ZNF808: variants seen among roughly 807,000 people sequenced by gnomAD.
The protein encoded by ZNF808 is zinc finger protein 808.
A neutral mutation model predicts 8.7 loss-of-function variants in ZNF808; 5 were observed. That is an observed-to-expected ratio of 0.58 (90% CI 0.30 to 1.21). ZNF808 has a LOEUF of 1.21. Among genes scored for constraint, ZNF808 ranks in the 50% most tolerant of loss-of-function variants. The pLI, the probability that ZNF808 is intolerant of heterozygous loss-of-function variation, is 0.07. For missense variants in ZNF808, 1,103 were observed against 1,098.4 expected, an observed-to-expected ratio of 1.00 and a Z score of -0.06; for synonymous variants, 380 against 366.0, an observed-to-expected ratio of 1.04 and a Z score of -0.44.
chr19:52,565,237 C>T (rs2059870233), downstream of ZNF808, among the ~76,000 whole-genome samples: 1 of 152,046 alleles, frequency 6.6e-6, no homozygotes, highest in South Asian at 2.1e-4. Context: ...AAGATCACGC[C>T]AATGCACACC....
intron 1 of ZNF808, among the ~76,000 whole-genome samples, chr19:52,530,132 C>T (rs1056096512): frequency 3.3e-5 from 5 of 152,006 alleles, no homozygotes; most frequent in African/African-American, 1.2e-4. Flanking sequence ...ATGATCTCAG[C>T]TCACCACAAC....
intron 1 of ZNF808, among the ~76,000 whole-genome samples, chr19:52,530,202 A>C (rs549374611): frequency 1.9e-4 from 29 of 152,236 alleles, no homozygotes; most frequent in African/African-American, 6.7e-4. Flanking sequence ...TTGGGAGTAC[A>C]GGCATGCACC....
At chr19:52,535,077 A>G (rs1031244660) in intron 2 of ZNF808, among the ~76,000 whole-genome samples, 2 of 151,434 alleles carry the variant, frequency 1.3e-5, no homozygotes, top group African/African-American at 4.8e-5. Context: ...CACATCTGTA[A>G]TCCTAGCAGT....
At chr19:52,556,967 T>C (rs982973054), downstream of ZNF808, among the ~76,000 whole-genome samples, 24 of 152,162 alleles carry the variant, frequency 1.6e-4, no homozygotes, top group African/African-American at 5.5e-4. Flanking sequence ...ATGTATTCTT[T>C]TGCTTTGTTT....
At chr19:52,558,998 G>A (rs1004984988), downstream of ZNF808, among the ~76,000 whole-genome samples, 1 of 152,176 alleles carries the variant, frequency 6.6e-6, no homozygotes, top group Non-Finnish European at 1.5e-5. Flanking sequence ...GCGAAAGGCC[G>A]CAGGAACCTC....
At chr19:52,561,228 A>G (rs1446611345), downstream of ZNF808, among the ~76,000 whole-genome samples, 1 of 140,818 alleles carries the variant, frequency 7.1e-6, no homozygotes, top group Non-Finnish European at 1.5e-5. Context: ...ATATATATAT[A>G]TATATATATA....
intron 4 of ZNF808, among the ~76,000 whole-genome samples, chr19:52,552,830 A>G (rs1337813970): frequency 6.6e-6 from 1 of 151,974 alleles, no homozygotes; most frequent in Admixed American, 6.6e-5. Flanking sequence ...CTTCAAGGTC[A>G]CAGTGGAAAA....
downstream of ZNF808, among the ~76,000 whole-genome samples, chr19:52,558,065 G>T (rs2123220955): frequency 1.1e-5 from 1 of 93,104 alleles, no homozygotes; most frequent in Non-Finnish European, 2.1e-5. Flanking sequence ...GTGCCCAGTT[G>T]TAATTAGAAT....
intron 3 of ZNF808, among the ~76,000 whole-genome samples, chr19:52,562,758 C>T (rs938776672): frequency 2.3e-4 from 34 of 151,030 alleles, no homozygotes; most frequent in African/African-American, 8.1e-4. Context: ...TAATTGAACC[C>T]TCTGACACTG....
intron 3 of ZNF808, among the ~76,000 whole-genome samples, chr19:52,545,788 AAAAAAT>A (rs1262475164): frequency 6.6e-6 from 1 of 152,070 alleles, no homozygotes; most frequent in Non-Finnish European, 1.5e-5. Flanking sequence ...TGGAAAAAAA[AAAAAAT>A]AAGAAGTATT....
At chr19:52,536,383 C>G (rs1208804756) in intron 2 of ZNF808, among the ~76,000 whole-genome samples, 1 of 152,178 alleles carries the variant, frequency 6.6e-6, no homozygotes, top group Non-Finnish European at 1.5e-5. Flanking sequence ...CGCCTCCCAG[C>G]CTCTCCGTCT....
exon 4 of ZNF808, chr19:52,564,168 T>G: frequency 1.4e-6 from 1 of 739,008 alleles, no homozygotes; most frequent in Admixed American, 2.0e-5. Flanking sequence ...GAATGAAAAC[T>G]GGCAATAAAA....
intron 2 of ZNF808, among the ~76,000 whole-genome samples, chr19:52,533,700 G>A (rs1235424960): frequency 6.6e-5 from 10 of 151,296 alleles, no homozygotes; most frequent in Non-Finnish European, 1.3e-4. Context: ...CTAAAAATAC[G>A]AAGAAATTAG....
chr19:52,554,593 A>G lies in ZNF808; in HGVS notation c.1677A>G (p.Arg559=). 1 of 1,613,660 alleles carries G rather than the reference A, an allele frequency of 6.2e-7. No homozygotes were observed. The highest frequency in any genetic ancestry group is 8.5e-7 in the Non-Finnish European group (1 of 1,179,810). The change falls in exon 5 of 5, where the codon AGA becomes AGG. Residue 559 remains arginine (R), a synonymous_variant. Coordinates refer to ENST00000359798, the MANE Select transcript of ZNF808 (RefSeq NM_001039886.4). ...MRNSVLAVHT[R]IHTAKKPYKC... ...ATTCAGTCCTGGCTGTACATACTAG[A>G]ATTCACACTGCAAAGAAACCTTACA...
intron 2 of ZNF808, among the ~76,000 whole-genome samples, chr19:52,535,492 C>T (rs968568594): frequency 6.6e-6 from 1 of 152,172 alleles, no homozygotes; most frequent in African/African-American, 2.4e-5. Context: ...GCTGGGACCT[C>T]AGGCTTCCGC....
rs1404829733 is a variant in ZNF808, at chr19:52,554,435, G to A, written c.1519G>A (p.Gly507Ser). ...TCTATGCCATCGTAGACTTCATAGT[G>A]GTGAAAAACCTTACAAGTGTAATCA... Reference protein sequence around the residue: ...SLLCHRRLHSGEKPYKCNQCG... With the variant: ...SLLCHRRLHSSEKPYKCNQCG... Residue 507 changes from glycine to serine, a missense_variant, in exon 5 of 5, where the codon GGT (glycine) becomes AGT (serine). Physicochemically the swap from Gly to Ser is moderately conservative, Grantham distance 56. Coordinates refer to ENST00000359798, the MANE Select transcript of ZNF808 (RefSeq NM_001039886.4). The A allele has an allele frequency of 1.2e-6, 2 of 1,614,092 alleles. No individual in the cohort carries two copies. Among genetic ancestry groups the A allele is most frequent in the Non-Finnish European group, 1.7e-6 (2 of 1,180,014 alleles).
intron 2 of ZNF808, among the ~76,000 whole-genome samples, chr19:52,536,265 T>C (rs1195963041): frequency 1.3e-5 from 2 of 152,160 alleles, no homozygotes. Flanking sequence ...TATAGGGCAG[T>C]GTATACACTT....
intron 2 of ZNF808, among the ~76,000 whole-genome samples, chr19:52,538,608 A>G (rs1329288959): frequency 6.9e-6 from 1 of 144,312 alleles, no homozygotes; most frequent in Non-Finnish European, 1.5e-5. Context: ...AGCGTGGGCA[A>G]TAAGAGCGAA....
intron 2 of ZNF808, among the ~76,000 whole-genome samples, chr19:52,542,265 G>A (rs1046072251): frequency 1.3e-5 from 2 of 152,014 alleles, no homozygotes; most frequent in Non-Finnish European, 2.9e-5. Context: ...TTGGGTTGTG[G>A]GAGAAAAATG....
Sources: gnomAD v4.1 joint callset for allele counts (sites outside exome capture counted in the v4.1 genomes callset) on GRCh38, gnomAD v4.1.1 for gene constraint, MANE v1.5 for transcripts, NCBI Gene and HGNC (gene_info 2026-07-23, HGNC 2026-07-21) for gene names.